Variants in TTLL5 observed in about 807,000 individuals in gnomAD.
The protein encoded by TTLL5 is tubulin tyrosine ligase like 5, also known as tubulin polyglutamylase TTLL5.
A neutral mutation model predicts 168.4 loss-of-function variants in TTLL5; 132 were observed. That is an observed-to-expected ratio of 0.78 (90% CI 0.68 to 0.91). The LOEUF (loss-of-function observed/expected upper bound fraction) is 0.91, where lower values mean the gene tolerates loss of function less well. TTLL5 is among the 40% of genes least tolerant of loss of function. The probability of loss-of-function intolerance (pLI) is 0.00; values close to 1 mark genes in which losing one functional copy is unlikely to be tolerated. For synonymous variants in TTLL5, 546 were observed against 558.6 expected, an observed-to-expected ratio of 0.98 and a Z score of 0.32; for missense variants, 1,545 against 1,581.5, an observed-to-expected ratio of 0.98 and a Z score of 0.39.
At chr14:75,745,305 C>A (rs1294030547) in intron 16 of TTLL5, 97 bp downstream of exon 16, 13 of 1,286,472 alleles carry the variant, frequency 1.0e-5, no homozygotes, top group East Asian at 2.4e-5. Context: ...TCATGTCTTA[C>A]ATTGAAAAGA....
chr14:75,904,322 T>G, intron 31 of TTLL5: 1 of 931,654 alleles, frequency 1.1e-6, no homozygotes. Flanking sequence ...CACAAGGGAA[T>G]CATGGCCAAG....
At chr14:75,824,591 G>A (rs1895014226) in intron 28 of TTLL5, among the ~76,000 whole-genome samples, 1 of 152,122 alleles carries the variant, frequency 6.6e-6, no homozygotes, top group South Asian at 2.1e-4. Context: ...GGGGGAATTA[G>A]TGTTTAATGG....
At position 75,729,271 on chromosome 14, in the gene TTLL5, C is replaced by A. The variant is rs375382499; in HGVS notation, c.1043-3067C>A. ...ACTGGAAAAGCCCAGCTAGCTTGCA[C>A]CCATTCATGACAGGAAAGTTGGTGT... On this transcript the variant is annotated intron_variant, in intron 12 of 31. Coordinates refer to ENST00000298832, the MANE Select transcript of TTLL5 (RefSeq NM_015072.5). Among the ~76,000 whole-genome samples, 27 of 152,234 alleles carry A rather than the reference C, an allele frequency of 1.8e-4. 1 individual carries two copies. The East Asian group carries it at 5.0e-3, about 28-fold the overall frequency.
At chr14:75,783,103 T>C (rs1452483440) in intron 25 of TTLL5, 44 bp from the exon 26 acceptor site, 2 of 1,532,272 alleles carry the variant, frequency 1.3e-6, no homozygotes, top group Non-Finnish European at 1.7e-6. Flanking sequence ...ATTGTATGTT[T>C]GTTTTTCCTA....
chr14:75,680,250 G>A (rs1884497465), intron 3 of TTLL5, among the ~76,000 whole-genome samples: 1 of 152,248 alleles, frequency 6.6e-6, no homozygotes. Flanking sequence ...AAGCACAAAC[G>A]CTTACTTGGC....
At chr14:75,669,803 CGTT>C (rs1181404966) in intron 3 of TTLL5, among the ~76,000 whole-genome samples, 1 of 151,590 alleles carries the variant, frequency 6.6e-6, no homozygotes, top group African/African-American at 2.4e-5. Context: ...GTGTACAAGT[CGTT>C]GTTGTTTAGT....
intron 27 of TTLL5, among the ~76,000 whole-genome samples, chr14:75,795,382 A>C (rs1892945517): frequency 6.6e-6 from 1 of 152,204 alleles, no homozygotes; most frequent in Admixed American, 6.5e-5. Context: ...TTTTTCAAAA[A>C]TTATTGTGGG....
chr14:75,679,851 T>G (rs962868336), intron 3 of TTLL5, among the ~76,000 whole-genome samples: 2 of 152,228 alleles, frequency 1.3e-5, no homozygotes, highest in African/African-American at 4.8e-5. Flanking sequence ...GCTTTGAAAG[T>G]TTGCCCACAA....
chr14:75,784,941 C>T (rs1471392697), intron 26 of TTLL5, among the ~76,000 whole-genome samples: 1 of 151,986 alleles, frequency 6.6e-6, no homozygotes, highest in African/African-American at 2.4e-5. Flanking sequence ...CATATGTTTT[C>T]CTTTTTATTG....
At chr14:75,915,863 C>G (rs140198660) in intron 31 of TTLL5, among the ~76,000 whole-genome samples, 2 of 152,166 alleles carry the variant, frequency 1.3e-5, no homozygotes, top group Admixed American at 6.5e-5. Flanking sequence ...CATGGTGGCT[C>G]CTGCCTGTAA....
chr14:75,693,228 A>G (rs1885586116), intron 6 of TTLL5, among the ~76,000 whole-genome samples: 1 of 152,172 alleles, frequency 6.6e-6, no homozygotes, highest in Non-Finnish European at 1.5e-5. Flanking sequence ...TTCTTAGTGA[A>G]CAGGTTGATG....
intron 18 of TTLL5, among the ~76,000 whole-genome samples, chr14:75,760,787 A>G (rs1890587319): frequency 1.3e-5 from 2 of 152,092 alleles, no homozygotes; most frequent in African/African-American, 2.4e-5. Context: ...TAGATACAAA[A>G]ATGATTACTA....
intron 31 of TTLL5, among the ~76,000 whole-genome samples, chr14:75,930,268 A>T (rs541961668): frequency 1.3e-5 from 2 of 152,348 alleles, no homozygotes; most frequent in Middle Eastern, 3.4e-3. Context: ...CAGAATTTCA[A>T]ATTGTAGAGT....
At chr14:75,673,817 T>A (rs1340399478) in intron 3 of TTLL5, among the ~76,000 whole-genome samples, 3 of 152,154 alleles carry the variant, frequency 2.0e-5, no homozygotes, top group Non-Finnish European at 4.4e-5. Flanking sequence ...AGGATCCTTG[T>A]GTTCTAGTCA....
At chr14:75,917,252 T>G (rs147557232) in intron 31 of TTLL5, among the ~76,000 whole-genome samples, 1 of 152,204 alleles carries the variant, frequency 6.6e-6, no homozygotes, top group Non-Finnish European at 1.5e-5. Flanking sequence ...TACCCCAGAT[T>G]AGGTGTTTTT....
intron 31 of TTLL5, among the ~76,000 whole-genome samples, chr14:75,941,139 C>T (rs1003450403): frequency 6.6e-6 from 1 of 152,214 alleles, no homozygotes; most frequent in African/African-American, 2.4e-5. Context: ...CTGTAGTCAG[C>T]GGCTCCCATG....
intron 12 of TTLL5, 98 bp from the exon 13 acceptor site, chr14:75,732,240 T>C (rs1888594261): frequency 1.0e-6 from 1 of 987,546 alleles, no homozygotes; most frequent in African/African-American, 1.7e-5. Flanking sequence ...CTCAGTGAGT[T>C]TCTAGGCCTG....
At position 75,764,680 on chromosome 14, in the gene TTLL5, C is replaced by T; in HGVS notation, c.1616C>T (p.Ala539Val). 1 of 1,614,162 alleles carries T rather than the reference C, an allele frequency of 6.2e-7. No individual in the cohort carries two copies. The highest frequency in any genetic ancestry group is 1.1e-5 in the South Asian group (1 of 91,082). Reference sequence around the variant, plus strand: ...CTGAATTCAAAGGCCAAGCTGCATGCTGCACTTTACGAGAGGAAGCTCCTG... The same window carrying T: ...CTGAATTCAAAGGCCAAGCTGCATGTTGCACTTTACGAGAGGAAGCTCCTG... ...ESLNSKAKLH[A>V]ALYERKLLSL... is the part of the protein sequence containing the mutation. The change falls in exon 19 of 32, where the codon GCT becomes GTT. Residue 539 changes from alanine to valine, a missense_variant. Physicochemically the swap from Ala to Val is moderately conservative, Grantham distance 64. Transcript: ENST00000298832.
chr14:75,813,270 T>TTG lies in TTLL5; in HGVS notation c.3172-6691_3172-6690dup, dbSNP rs58821426. 6.3e-3 allele frequency among the ~76,000 whole-genome samples: 820 copies of TTG among 130,688 alleles called. 3 individuals carry two copies. The highest frequency in any genetic ancestry group is 0.046 in the Middle Eastern group (12 of 262). 85.7% of individuals were successfully genotyped at this position (130,688 alleles called of 152,430 possible). ...TATTATCCAGGCACTGTGTGTGTGT[T>TTG]TGTGTGTGTGTGTGTGTGTGTGTGT... On this transcript the variant is annotated intron_variant, in intron 27 of 31. Transcript: ENST00000298832.
Sources: gnomAD v4.1 joint callset for allele counts (sites outside exome capture counted in the v4.1 genomes callset) on GRCh38, gnomAD v4.1.1 for gene constraint, MANE v1.5 for transcripts, NCBI Gene and HGNC (gene_info 2026-07-23, HGNC 2026-07-21) for gene names.